The following DOK6 variants were observed in gnomAD, a reference collection of about 807,000 sequenced individuals.
DOK6 encodes the protein downstream of tyrosine kinase 6.
DOK6 carries 22 observed loss-of-function variants against 44.0 expected under a neutral mutation model. The observed-to-expected ratio is 0.50, with a 90% CI of 0.36 to 0.71. DOK6 has a LOEUF of 0.71. Ranked by LOEUF, DOK6 falls within the 30% of genes least tolerant of loss-of-function variation. The pLI is 0.00. For synonymous variants in DOK6, 166 were observed against 145.5 expected, an observed-to-expected ratio of 1.14 and a Z score of -1.01; for missense variants, 340 against 416.4, an observed-to-expected ratio of 0.82 and a Z score of 1.60.
intron 1 of DOK6, among the ~76,000 whole-genome samples, chr18:69,484,418 T>G (rs903666118): frequency 1.3e-5 from 2 of 152,188 alleles, no homozygotes; most frequent in Middle Eastern, 3.2e-3. Flanking sequence ...GCTATCTTTC[T>G]TTTATATCAC....
chr18:69,549,751 C>A (rs2144587393), intron 1 of DOK6, among the ~76,000 whole-genome samples: 1 of 151,464 alleles, frequency 6.6e-6, no homozygotes, highest in African/African-American at 2.4e-5. Context: ...ACTCATTTTA[C>A]CCTCAGGGAA....
intron 7 of DOK6, among the ~76,000 whole-genome samples, chr18:69,769,111 C>G (rs1384772240): frequency 6.6e-6 from 1 of 151,744 alleles, no homozygotes; most frequent in East Asian, 1.9e-4. Flanking sequence ...TTTTGTTTTA[C>G]TATTCATAAT....
intron 1 of DOK6, among the ~76,000 whole-genome samples, chr18:69,477,653 T>C (rs1568270628): frequency 6.6e-6 from 1 of 152,212 alleles, no homozygotes; most frequent in Non-Finnish European, 1.5e-5. Flanking sequence ...AATTCAAAGA[T>C]GACCCAATTC....
At chr18:69,798,635 T>C (rs1980816898) in intron 7 of DOK6, among the ~76,000 whole-genome samples, 1 of 152,086 alleles carries the variant, frequency 6.6e-6, no homozygotes, top group South Asian at 2.1e-4. Context: ...AAGTTAATCT[T>C]ACCAGATTTG....
chr18:69,572,252 G>T (rs1983131666), intron 2 of DOK6, among the ~76,000 whole-genome samples: 1 of 152,068 alleles, frequency 6.6e-6, no homozygotes, highest in Admixed American at 6.6e-5. Flanking sequence ...AAACGGACAG[G>T]ACTTACTTAT....
At chr18:69,550,908 T>C (rs1982550297) in intron 1 of DOK6, among the ~76,000 whole-genome samples, 1 of 151,834 alleles carries the variant, frequency 6.6e-6, no homozygotes, top group Non-Finnish European at 1.5e-5. Context: ...CTCAGCCTCC[T>C]GAGTCGCTGG....
At chr18:69,526,534 A>G (rs1471465276) in intron 1 of DOK6, among the ~76,000 whole-genome samples, 4 of 152,198 alleles carry the variant, frequency 2.6e-5, no homozygotes, top group African/African-American at 9.6e-5. Context: ...ACTAGAATGA[A>G]TGATGCCACT....
chr18:69,481,827 A>G (rs1980432143), intron 1 of DOK6, among the ~76,000 whole-genome samples: 1 of 152,166 alleles, frequency 6.6e-6, no homozygotes, highest in Admixed American at 6.5e-5. Context: ...GAACTAGTTT[A>G]CACTCCCACC....
chr18:69,418,010 C>G (rs565908438), intron 1 of DOK6, among the ~76,000 whole-genome samples: 2 of 152,144 alleles, frequency 1.3e-5, no homozygotes, highest in South Asian at 4.2e-4. Context: ...TGTAGGTTTT[C>G]TCTTCACTTG....
chr18:69,805,076 G>C lies in DOK6; in HGVS notation c.857-36168G>C, dbSNP rs114559887. Among the ~76,000 whole-genome samples the C allele has an allele frequency of 2.7e-3, 415 of 152,224 alleles. 1 individual carries two copies. The highest frequency in any genetic ancestry group is 2.4e-3 in the Non-Finnish European group (160 of 68,016). On this transcript the variant is annotated intron_variant, in intron 7 of 7. Transcript: ENST00000382713. The stretch of plus-strand genomic sequence containing the variant: ...ACTTAAAAAATTTCATGGCTAAAAC[G>C]GAGGCTTACAAAGGAGAGATTCGAA...
chr18:69,514,375 G>A (rs1240292886), intron 1 of DOK6, among the ~76,000 whole-genome samples: 1 of 152,054 alleles, frequency 6.6e-6, no homozygotes, highest in African/African-American at 2.4e-5. Flanking sequence ...GTACTATATC[G>A]ATTTTCAAAT....
chr18:69,763,016 T>C (rs866324016), intron 7 of DOK6, among the ~76,000 whole-genome samples: 1 of 152,152 alleles, frequency 6.6e-6, no homozygotes, highest in East Asian at 1.9e-4. Context: ...CCCTCCTCAA[T>C]TGGAGAATAA....
intron 1 of DOK6, among the ~76,000 whole-genome samples, chr18:69,466,535 T>C (rs760467536): frequency 2.6e-5 from 4 of 152,160 alleles, no homozygotes; most frequent in Non-Finnish European, 5.9e-5. Flanking sequence ...TATCTAGACT[T>C]GGGATTGCTG....
At chr18:69,465,302 ATTTAT>A (rs1160487920) in intron 1 of DOK6, among the ~76,000 whole-genome samples, 2 of 151,994 alleles carry the variant, frequency 1.3e-5, no homozygotes, top group East Asian at 1.9e-4. Flanking sequence ...ATAAAATAAA[ATTTAT>A]TTTATTTTAT....
intron 5 of DOK6, among the ~76,000 whole-genome samples, chr18:69,713,352 C>A (rs58894837): frequency 6.6e-6 from 1 of 152,128 alleles, no homozygotes; most frequent in East Asian, 1.9e-4. Context: ...CATCATTATA[C>A]CAAAATAGCA....
intron 3 of DOK6, among the ~76,000 whole-genome samples, chr18:69,648,988 C>T (rs745849496): frequency 7.9e-5 from 12 of 152,118 alleles, no homozygotes; most frequent in Non-Finnish European, 1.2e-4. Context: ...CCACTAGATA[C>T]GATATTATTA....
chr18:69,474,011 A>G (rs1241048361), intron 1 of DOK6, among the ~76,000 whole-genome samples: 1 of 152,230 alleles, frequency 6.6e-6, no homozygotes, highest in African/African-American at 2.4e-5. Context: ...TCAATGACAC[A>G]TTGGTTTCCT....
At chr18:69,816,060 A>G (rs1232563230) in intron 7 of DOK6, among the ~76,000 whole-genome samples, 1 of 152,172 alleles carries the variant, frequency 6.6e-6, no homozygotes, top group African/African-American at 2.4e-5. Context: ...AGAGCCAAAT[A>G]TATTGATAAT....
At position 69,849,063 on chromosome 18, in the gene DOK6, AAAG is replaced by A. The variant is rs1257783007; in HGVS notation, c.*7684_*7686del. On this transcript the variant is annotated 3_prime_UTR_variant, in exon 8 of 8. Coordinates refer to ENST00000382713, the MANE Select transcript of DOK6 (RefSeq NM_152721.6). The stretch of plus-strand genomic sequence containing the variant: ...AGCTTGCTATTTTGAAAATAAAGTG[AAAG>A]AAGGCCCTTTATTAAATGAAAGGTT... 1 of 152,210 alleles carries A rather than the reference AAAG, an allele frequency of 6.6e-6. No individual in the cohort carries two copies. Among genetic ancestry groups the A allele is most frequent in the Non-Finnish European group, 1.5e-5 (1 of 68,032 alleles). The allele number at this position is 152,210 out of a possible 1,614,324, so 9.4% of individuals were successfully genotyped here.
Sources: gnomAD v4.1 joint callset for allele counts (sites outside exome capture counted in the v4.1 genomes callset) on GRCh38, gnomAD v4.1.1 for gene constraint, MANE v1.5 for transcripts, NCBI Gene and HGNC (gene_info 2026-07-23, HGNC 2026-07-21) for gene names.